OBSL1: variants seen among roughly 807,000 people sequenced by gnomAD.
OBSL1 encodes obscurin-like protein 1.
Under a neutral mutation model 172.0 loss-of-function variants are expected in OBSL1, and 160 were observed. That is an observed-to-expected ratio of 0.93 (90% CI 0.82 to 1.06). The LOEUF is 1.06. OBSL1 is among the 50% of genes least tolerant of loss of function. OBSL1 has a pLI of 0.00. For missense variants in OBSL1, 2,681 were observed against 2,715.4 expected, an observed-to-expected ratio of 0.99 and a Z score of 0.28; for synonymous variants, 1,200 against 1,196.3, an observed-to-expected ratio of 1.00 and a Z score of -0.06.
intron 17 of OBSL1, 43 bp downstream of exon 17, chr2:219,552,825 G>T: frequency 6.5e-7 from 1 of 1,536,586 alleles, no homozygotes; most frequent in Non-Finnish European, 8.8e-7. Flanking sequence ...CGCAAGTCTC[G>T]CGCCCAAAGC....
rs1271818316 is a variant in OBSL1, at chr2:219,570,489, G to C, written c.744C>G (p.Leu248=). 1 of 1,612,352 alleles carries C rather than the reference G, an allele frequency of 6.2e-7. No homozygotes were observed. The highest frequency in any genetic ancestry group is 1.1e-5 in the South Asian group (1 of 91,060). Residue 248 remains leucine (L), a synonymous_variant, in exon 1 of 21, where the codon CTC becomes CTG. Coordinates refer to ENST00000404537, the MANE Select transcript of OBSL1 (RefSeq NM_015311.3). ...CCCAGAAGGTCTTAGGCGCGCACTT[G>C]AGCGGCTCCACCACCGGCGCGGGGG... ...DEAPAPVVEP[L]KCAPKTFWVN...
At position 219,559,827 on chromosome 2, in the gene OBSL1, A is replaced by AAGATACAGAATCTTAC. The variant is rs546621131; in HGVS notation, c.2954-346_2954-331dup. Among the ~76,000 whole-genome samples, 10 of 152,314 alleles carry AAGATACAGAATCTTAC rather than the reference A, an allele frequency of 6.6e-5. 1 individual carries two copies. The South Asian group carries it at 2.1e-3, about 32-fold the overall frequency. ...ATTCACCCTAAGCAGGATAGATTGAAAGATACAGAATCTTACAGATACAAG... is the reference window on the plus strand; with the variant it reads ...ATTCACCCTAAGCAGGATAGATTGAAAGATACAGAATCTTACAGATACAGAATCTTACAGATACAAG... On this transcript the variant is annotated intron_variant, in intron 8 of 20. Transcript: ENST00000404537.
chr2:219,567,880 C>T lies in OBSL1; in HGVS notation c.1372G>A (p.Glu458Lys), dbSNP rs777924951. The T allele has an allele frequency of 9.3e-6, 15 of 1,613,808 alleles. No individual in the cohort carries two copies. Among genetic ancestry groups the T allele is most frequent in the East Asian group, 4.5e-5 (2 of 44,900 alleles). ...LLVETLEAGVEGRWSRDGEEL... is the reference protein window; with the variant it reads ...LLVETLEAGVKGRWSRDGEEL... Reference sequence around the variant, plus strand: ...TCCCCATCACGGCTCCAGCGTCCCTCGACCCCGGCCTCTAGAGTTTCCACT... The same window carrying T: ...TCCCCATCACGGCTCCAGCGTCCCTTGACCCCGGCCTCTAGAGTTTCCACT... The change falls in exon 3 of 21, where the codon GAG becomes AAG. Residue 458 changes from glutamate (E) to lysine (K), a missense_variant. Coordinates refer to ENST00000404537, the MANE Select transcript of OBSL1 (RefSeq NM_015311.3).
At position 219,554,542 on chromosome 2, in the gene OBSL1, A is replaced by G; in HGVS notation, c.4808T>C (p.Leu1603Pro). The change falls in exon 15 of 21, where the codon CTG becomes CCG. Residue 1603 changes from leucine (L) to proline (P), a missense_variant. Leu to Pro is a moderately conservative substitution (Grantham distance 98, BLOSUM62 -3). This residue lies in a region of OBSL1 where 1,765 missense variants were observed against 1,748.3 expected (regional missense o/e 1.01). Transcript: ENST00000404537. ...GAAGGAGACACAGCCTGAGTCGGCC[A>G]GGCCCAGGCCATTGAGTACCAGTCG... ...RHRLVLNGLG[L>P]ADSGCVSFTA... is the part of the protein sequence containing the mutation. 3 of 1,613,392 alleles carry G rather than the reference A, an allele frequency of 1.9e-6. No homozygotes were observed. Among genetic ancestry groups the G allele is most frequent in the Non-Finnish European group, 2.5e-6 (3 of 1,179,792 alleles).
chr2:219,559,451 G>T lies in OBSL1; in HGVS notation c.3000C>A (p.Ile1000=). Residue 1000 remains isoleucine, a synonymous_variant, in exon 9 of 21, where the codon ATC becomes ATA. Transcript: ENST00000404537. Reference sequence around the variant, plus strand: ...GCACCACACACTCCAAGGTCACGGCGATCAAGGTCACCTCATCGCGAGGGT... The same window carrying T: ...GCACCACACACTCCAAGGTCACGGCTATCAAGGTCACCTCATCGCGAGGGT... ...IIYPRDEVTL[I]AVTLECVVLM... 2 of 1,613,546 alleles carry T rather than the reference G, an allele frequency of 1.2e-6. No homozygotes were observed. The highest frequency in any genetic ancestry group is 1.7e-4 in the Middle Eastern group (1 of 6,052).
At position 219,570,720 on chromosome 2, in the gene OBSL1, C is replaced by T. The variant is rs781241502; in HGVS notation, c.513G>A (p.Val171=). 4.6e-6 allele frequency: 7 copies of T among 1,511,146 alleles called. No individual in the cohort carries two copies. Among genetic ancestry groups the T allele is most frequent in the East Asian group, 2.7e-5 (1 of 37,436 alleles). 93.6% of individuals were successfully genotyped at this position (1,511,146 alleles called of 1,614,324 possible). A position where few individuals can be genotyped will look rare whatever the true frequency, so the allele number is the denominator to read the frequency against. The change falls in exon 1 of 21, where the codon GTG becomes GTA. Residue 171 remains valine, a synonymous_variant. Transcript: ENST00000404537. ...WEKDGMALDE[V]WDSSHFALQP... Reference sequence around the variant, plus strand: ...GGAGCGCGAAGTGGCTGCTGTCCCACACTTCGTCCAGGGCCATCCCGTCCT... The same window carrying T: ...GGAGCGCGAAGTGGCTGCTGTCCCATACTTCGTCCAGGGCCATCCCGTCCT...
At chr2:219,564,675 A>C (rs556433659) in intron 6 of OBSL1, among the ~76,000 whole-genome samples, 1 of 152,358 alleles carries the variant, frequency 6.6e-6, no homozygotes, top group East Asian at 1.9e-4. Flanking sequence ...TGCGTGGCAC[A>C]CACCTATAAT....
chr2:219,558,390 A>G lies in OBSL1; in HGVS notation c.3296T>C (p.Val1099Ala). The change falls in exon 10 of 21, where the codon GTG (valine) becomes GCG (alanine). Residue 1099 changes from valine (V) to alanine (A), a missense_variant. Transcript: ENST00000404537. ...LDLHFGAPGR[V>A]ELRCEVAPAG... is the part of the protein sequence containing the mutation. ...TGGGGCCACCTCACAGCGCAGCTCC[A>G]CGCGCCCTGGAGCCCCAAAATGCAG... 1.2e-6 allele frequency: 2 copies of G among 1,608,134 alleles called. No homozygotes were observed. Among genetic ancestry groups the G allele is most frequent in the Non-Finnish European group, 1.7e-6 (2 of 1,178,110 alleles).
At chr2:219,553,824 C>T (rs1207178183) in intron 15 of OBSL1, 138 bp from the exon 16 acceptor site, 3 of 199,870 alleles carry the variant, frequency 1.5e-5, no homozygotes, top group Admixed American at 7.4e-5. Context: ...ACAAGTGGTC[C>T]AAGAAGGATC....
intron 19 of OBSL1, 45 bp from the exon 20 acceptor site, chr2:219,551,843 G>A: frequency 7.8e-7 from 1 of 1,274,438 alleles, no homozygotes; most frequent in Non-Finnish European, 1.1e-6. Flanking sequence ...GACACGCATG[G>A]CCCCCAGGAG....
Position 219,567,886 on chromosome 2 carries a change from C to T in OBSL1, c.1366G>A (p.Gly456Arg), listed in dbSNP as rs757615681. Residue 456 changes from glycine to arginine, a missense_variant, in exon 3 of 21, where the codon GGG becomes AGG. Physicochemically the swap from Gly to Arg is moderately radical, Grantham distance 125. Transcript: ENST00000404537. ...AVLLVETLEA[G>R]VEGRWSRDGE... ...TCACGGCTCCAGCGTCCCTCGACCC[C>T]GGCCTCTAGAGTTTCCACTAGCAGC... 1.7e-5 allele frequency: 27 copies of T among 1,613,808 alleles called. 1 individual carries two copies. Among genetic ancestry groups the T allele is most frequent in the Middle Eastern group, 3.3e-4 (2 of 6,084 alleles).
intron 9 of OBSL1, among the ~76,000 whole-genome samples, chr2:219,558,763 G>GACTCACACCCAGATCTAC (rs1696234763): frequency 6.7e-6 from 1 of 149,240 alleles, no homozygotes; most frequent in Non-Finnish European, 1.5e-5. Context: ...GGCAGATCTA[G>GACTCACACCCAGATCTAC]ACTCACACCC....
In OBSL1 at chr2:219,551,720, G is replaced by A; in HGVS notation, c.5492C>T (p.Thr1831Ile). 6.2e-7 allele frequency: 1 copy of A among 1,609,736 alleles called. No homozygotes were observed. ...LVGRRAVLEV[T>I]VSRSGGHVCW... ...CACGTGGCCCCCCGAGCGGGACACA[G>A]TCACCTCCAGCACCGCCCGGCGGCC... Residue 1831 changes from threonine (T) to isoleucine (I), a missense_variant, in exon 20 of 21, where the codon ACT becomes ATT. Thr to Ile is a moderately conservative substitution (Grantham distance 89). Transcript: ENST00000404537.
chr2:219,549,072 A>G (rs770704851), downstream of OBSL1: 5 of 1,514,428 alleles, frequency 3.3e-6, no homozygotes, highest in Middle Eastern at 3.5e-4. Flanking sequence ...CTAGAGCCAC[A>G]GGTGGGATGA....
chr2:219,550,629 C>T, downstream of OBSL1: 1 of 610,446 alleles, frequency 1.6e-6, no homozygotes, highest in Non-Finnish European at 2.8e-6. Flanking sequence ...TTTCATGGGC[C>T]AGGTACAAGC....
rs564010604 is a variant in OBSL1, at chr2:219,568,122, G to A, written c.1215C>T (p.Asp405=). The A allele has an allele frequency of 2.7e-5, 43 of 1,613,800 alleles. No homozygotes were observed. In the South Asian group the frequency reaches 2.7e-4, roughly 10 times the overall value. Reference sequence around the variant, plus strand: ...TCTCGCACAGGTAGATACCATCATCGTCTGCCTTCAGCCTGTGGATGATGA... The same window carrying A: ...TCTCGCACAGGTAGATACCATCATCATCTGCCTTCAGCCTGTGGATGATGA... ...RRLIIHRLKA[D]DDGIYLCEMR... The change falls in exon 2 of 21, where the codon GAC becomes GAT. Residue 405 remains aspartate (D), a synonymous_variant. Transcript: ENST00000404537. This position sits in a 1 kb window ranked among gnomAD's most constrained non-coding sequence, Gnocchi z 4.1.
intron 12 of OBSL1, chr2:219,556,959 T>C: frequency 1.9e-6 from 1 of 532,298 alleles, no homozygotes; most frequent in Non-Finnish European, 3.3e-6. Context: ...ACCCTAATAA[T>C]ATCAATTACC....
Position 219,556,701 on chromosome 2 carries a change from G to C in OBSL1, c.4089C>G (p.Val1363=). ...SVEEPLLVKL[V]SELTPLTVHE... Reference sequence around the variant, plus strand: ...GGACAGTGAGTGGTGTCAGCTCCGAGACCAGCTTCACCAGCAGTGGCTCTA... The same window carrying C: ...GGACAGTGAGTGGTGTCAGCTCCGACACCAGCTTCACCAGCAGTGGCTCTA... Residue 1363 remains valine (V), a synonymous_variant, in exon 13 of 21, where the codon GTC becomes GTG. Transcript: ENST00000404537. The C allele has an allele frequency of 6.2e-7, 1 of 1,604,044 alleles. No individual in the cohort carries two copies. The highest frequency in any genetic ancestry group is 8.5e-7 in the Non-Finnish European group (1 of 1,171,722).
At chr2:219,549,625 T>C (rs1235093366), downstream of OBSL1, 9 of 1,569,088 alleles carry the variant, frequency 5.7e-6, no homozygotes, top group South Asian at 2.4e-5. Context: ...TGGCAGTCTA[T>C]AGAAGTGTCA....
Sources: gnomAD v4.1 joint callset for allele counts (sites outside exome capture counted in the v4.1 genomes callset) on GRCh38, gnomAD v4.1.1 for gene constraint, gnomAD v4.1.1 regional missense constraint, Gnocchi (gnomAD v3.1) non-coding constraint, MANE v1.5 for transcripts, NCBI Gene and HGNC (gene_info 2026-07-23, HGNC 2026-07-21) for gene names.